CHL1: variants seen among roughly 807,000 people sequenced by gnomAD.
CHL1 encodes cell adhesion molecule L1 like.
In CHL1, 96 loss-of-function variants were observed where a neutral mutation model predicts 141.9. The ratio of observed to expected loss-of-function variants is 0.68; its 90% CI spans 0.57 to 0.80. CHL1 has a LOEUF of 0.80. Among genes scored for constraint, CHL1 ranks in the 30% least tolerant of loss-of-function variants. The pLI, the probability that CHL1 is intolerant of heterozygous loss-of-function variation, is 0.00. For missense variants in CHL1, 1,820 were observed against 1,457.2 expected (o/e 1.25, Z -4.05); for synonymous variants, 613 against 502.2 (o/e 1.22, Z -2.95).
At chr3:286,453 A>G (rs920154949) in intron 2 of CHL1, among the ~76,000 whole-genome samples, 2 of 152,000 alleles carry the variant, frequency 1.3e-5, no homozygotes, top group African/African-American at 4.8e-5. Flanking sequence ...TCTACTAAAA[A>G]TACAAAAATT....
chr3:260,673 A>T (rs976387918), intron 2 of CHL1, among the ~76,000 whole-genome samples: 14 of 152,320 alleles, frequency 9.2e-5, no homozygotes, highest in African/African-American at 2.9e-4. Flanking sequence ...GCTGGGGTGT[A>T]GTTTGGGAAA....
In CHL1 at chr3:398,285, G is replaced by C. The variant is rs143272020; in HGVS notation, c.3153G>C (p.Glu1051Asp). The change falls in exon 25 of 28, where the codon GAG (glutamate) becomes GAC (aspartate). Residue 1051 changes from glutamate (E) to aspartate (D), a missense_variant. By Grantham distance (45) the Glu-to-Asp change is conservative (BLOSUM62 2). Transcript: ENST00000256509. ...TTACTCAAAAGACTCACCCAATAGA[G>C]GTATTTGAGCCGGGAGCTGAACATA... ...VNLTQKTHPI[E>D]VFEPGAEHIV... 1.6e-3 allele frequency: 2,546 copies of C among 1,607,102 alleles called. 3 individuals are homozygous for C. The highest frequency in any genetic ancestry group is 2.0e-3 in the Non-Finnish European group (2,352 of 1,173,886).
Position 242,397 on chromosome 3 carries a change from C to T in CHL1, c.-174-2216C>T, listed in dbSNP as rs553720091. Among the ~76,000 whole-genome samples the T allele has an allele frequency of 1.4e-3, 191 of 141,394 alleles. 1 individual carries two copies. The highest frequency in any genetic ancestry group is 9.8e-4 in the South Asian group (4 of 4,092). 92.8% of individuals were successfully genotyped at this position (141,394 alleles called of 152,430 possible). On this transcript the variant is annotated intron_variant, in intron 1 of 27. Coordinates refer to ENST00000256509, the MANE Select transcript of CHL1 (RefSeq NM_006614.4). Reference sequence around the variant, plus strand: ...AGATCACGAGGTCAGGAGATCGAGACCATCCTGGCTAACACGGTGAAACCC... The same window carrying T: ...AGATCACGAGGTCAGGAGATCGAGATCATCCTGGCTAACACGGTGAAACCC...
At chr3:235,328 ACTT>A (rs762214990) in intron 1 of CHL1, among the ~76,000 whole-genome samples, 72 of 152,298 alleles carry the variant, frequency 4.7e-4, no homozygotes, top group South Asian at 1.9e-3. Flanking sequence ...GCAATATGTA[ACTT>A]CTTCATGCCT....
At chr3:315,897 A>T (rs1190083676) in intron 2 of CHL1, among the ~76,000 whole-genome samples, 1 of 151,732 alleles carries the variant, frequency 6.6e-6, no homozygotes, top group East Asian at 1.9e-4. Context: ...AAGGAAAACA[A>T]CTCTCTCTCT....
chr3:303,496 C>T (rs1415360307), intron 2 of CHL1, among the ~76,000 whole-genome samples: 1 of 152,098 alleles, frequency 6.6e-6, no homozygotes, highest in Non-Finnish European at 1.5e-5. Context: ...ATCTCAGTAG[C>T]AATTGTGAAT....
intron 3 of CHL1, among the ~76,000 whole-genome samples, chr3:320,558 A>G (rs1215163140): frequency 6.6e-6 from 1 of 152,048 alleles, no homozygotes; most frequent in Admixed American, 6.6e-5. Context: ...ATGGTGACAC[A>G]TGACTGTAGT....
intron 1 of CHL1, among the ~76,000 whole-genome samples, chr3:215,855 A>G (rs1477991249): frequency 1.3e-5 from 2 of 152,130 alleles, no homozygotes; most frequent in African/African-American, 2.4e-5. Context: ...TGAATGATTC[A>G]ATAGTGAAAT....
chr3:317,901 A>G (rs2125025200), intron 2 of CHL1, among the ~76,000 whole-genome samples: 1 of 152,032 alleles, frequency 6.6e-6, no homozygotes, highest in East Asian at 1.9e-4. Context: ...ATAGTGACAC[A>G]TTGAACATAT....
At chr3:292,697 T>A (rs1697800202) in intron 2 of CHL1, among the ~76,000 whole-genome samples, 1 of 152,202 alleles carries the variant, frequency 6.6e-6, no homozygotes, top group Non-Finnish European at 1.5e-5. Context: ...CCGCTCAGCT[T>A]CTGGGGAAGC....
intron 6 of CHL1, among the ~76,000 whole-genome samples, chr3:341,149 T>A (rs760315500): frequency 5.9e-5 from 9 of 152,182 alleles, no homozygotes; most frequent in African/African-American, 1.9e-4. Context: ...GAGGATGGCA[T>A]GGGTTTGTGT....
intron 1 of CHL1, 150 bp from the exon 2 acceptor site, chr3:244,463 A>G (rs181222406): frequency 6.6e-6 from 1 of 152,180 alleles, no homozygotes; most frequent in Non-Finnish European, 1.5e-5. Context: ...GAGCAATACT[A>G]TAGCTTAGGT....
Position 345,496 on chromosome 3 carries a change from T to A in CHL1, c.848+787T>A, listed in dbSNP as rs539233070. 2.0e-5 allele frequency among the ~76,000 whole-genome samples: 3 copies of A among 152,092 alleles called. No individual in the cohort carries two copies. In the East Asian group the frequency reaches 5.8e-4, roughly 29 times the overall value. ...TTTATTCATTTATTCATTTATTTAT[T>A]TTTTTGAGACAGGGTCTCACTCTGT... is the stretch of plus-strand genomic sequence containing the variant. On this transcript the variant is annotated intron_variant, in intron 9 of 27. Transcript: ENST00000256509.
chr3:401,637 G>A lies in CHL1; in HGVS notation c.3397G>A (p.Glu1133Lys). Residue 1133 changes from glutamate (E) to lysine (K), a missense_variant, in exon 27 of 28, where the codon GAA becomes AAA. By Grantham distance (56) the Glu-to-Lys change is moderately conservative. Transcript: ENST00000256509. ...RGGKYSVKEKEDLHPDPEIQS... is the reference protein window; with the variant it reads ...RGGKYSVKEKKDLHPDPEIQS... The stretch of plus-strand genomic sequence containing the variant: ...TTTCTCTTTTTTAGTTAAAGAAAAG[G>A]AAGATTTGCATCCAGACCCAGAAAT... The A allele has an allele frequency of 6.3e-7, 1 of 1,590,122 alleles. No individual in the cohort carries two copies. The highest frequency in any genetic ancestry group is 2.2e-5 in the East Asian group (1 of 44,490).
intron 24 of CHL1, among the ~76,000 whole-genome samples, chr3:396,920 A>G (rs1164343011): frequency 6.6e-6 from 1 of 152,166 alleles, no homozygotes; most frequent in Non-Finnish European, 1.5e-5. Flanking sequence ...AAAAATGATC[A>G]CTTGTGCAAA....
At chr3:309,539 T>G (rs865795284) in intron 2 of CHL1, among the ~76,000 whole-genome samples, 7 of 151,672 alleles carry the variant, frequency 4.6e-5, no homozygotes, top group Admixed American at 2.6e-4. Context: ...TTCCTTCCTT[T>G]TTTTGAAACG....
In CHL1 at chr3:319,978, A is replaced by G. The variant is rs1700434192; in HGVS notation, c.91+111A>G. 4 of 628,570 alleles carry G rather than the reference A, an allele frequency of 6.4e-6. No homozygotes were observed. In the South Asian group the frequency reaches 8.3e-5, roughly 13 times the overall value. 38.9% of individuals were successfully genotyped at this position (628,570 alleles called of 1,614,324 possible). Reference sequence around the variant, plus strand: ...TGACTTTTCTACCATATTTCTATATATTCTTTAGCAATCTGTCATGAGAAT... The same window carrying G: ...TGACTTTTCTACCATATTTCTATATGTTCTTTAGCAATCTGTCATGAGAAT... On this transcript the variant is annotated intron_variant, in intron 3 of 27. Coordinates refer to ENST00000256509, the MANE Select transcript of CHL1 (RefSeq NM_006614.4).
chr3:304,830 G>A lies in CHL1; in HGVS notation c.-94-14853G>A, dbSNP rs190899773. ...CTTCTCTAGTTCTTTTAATTGTGATGTTAGGGTGTCAATTTTAGATCTTTC... is the reference window on the plus strand; with the variant it reads ...CTTCTCTAGTTCTTTTAATTGTGATATTAGGGTGTCAATTTTAGATCTTTC... On this transcript the variant is annotated intron_variant, in intron 2 of 27. Transcript: ENST00000256509. Among the ~76,000 whole-genome samples, 16 of 152,222 alleles carry A rather than the reference G, an allele frequency of 1.1e-4. 1 individual carries two copies. In the East Asian group the frequency reaches 3.1e-3, roughly 29 times the overall value.
At chr3:359,503 G>A (rs2117044) in intron 11 of CHL1, among the ~76,000 whole-genome samples, 77,701 of 151,748 alleles carry the variant, frequency 0.51, 21,267 homozygotes, top group Admixed American at 0.67. Context: ...GGGTTTTGCC[G>A]TGTTGGCTAG....
Sources: allele counts gnomAD v4.1 joint callset (sites outside exome capture counted in the v4.1 genomes callset), GRCh38; gene constraint gnomAD v4.1.1; transcripts MANE v1.5; gene names NCBI Gene and HGNC (gene_info 2026-07-23, HGNC 2026-07-21).